Variants in FMO2 observed in about 807,000 individuals in gnomAD.
The protein encoded by FMO2 is flavin-containing monooxygenase 2.
FMO2 carries 33 observed loss-of-function variants against 41.6 expected under a neutral mutation model. That is an observed-to-expected ratio of 0.79 (90% confidence interval 0.60 to 1.06). The LOEUF is 1.06. FMO2 is among the 50% of genes least tolerant of loss of function. FMO2 has a pLI of 0.00. For missense variants in FMO2, 619 were observed against 632.9 expected (o/e 0.98, Z 0.23); for synonymous variants, 214 against 219.6 (o/e 0.97, Z 0.23).
Position 171,209,132 on chromosome 1 carries a change from T to A in FMO2, c.1595T>A (p.Leu532His), listed in dbSNP as rs545794963. The change falls in exon 9 of 9, where the codon CTT (leucine) becomes CAT (histidine). Residue 532 changes from leucine (L) to histidine (H), a missense_variant. Leu to His is a moderately conservative substitution (Grantham distance 99). Coordinates refer to ENST00000209929, the MANE Select transcript of FMO2 (RefSeq NM_001460.5). ...LAVVVAFFCQ[L>H]QWS is the part of the protein sequence containing the mutation. ...GTTGTTGTGGCCTTTTTTTGCCAAC[T>A]TCAATGGTCCTAGTCAGCATAATGC... The A allele has an allele frequency of 1.6e-6, 1 of 618,424 alleles. No individual in the cohort carries two copies. The highest frequency in any genetic ancestry group is 2.1e-5 in the South Asian group (1 of 47,474). 38.3% of individuals were successfully genotyped at this position (618,424 alleles called of 1,614,324 possible). A position where few individuals can be genotyped will look rare whatever the true frequency, so the allele number is the denominator to read the frequency against.
chr1:171,185,591 G>T, intron 1 of FMO2, 117 bp from the exon 2 acceptor site: 1 of 977,666 alleles, frequency 1.0e-6, no homozygotes, highest in Non-Finnish European at 1.6e-6. Flanking sequence ...ATTCAATAGT[G>T]CTGCTTATTA....
In FMO2 at chr1:171,193,337, G is replaced by A. The variant is rs139018992; in HGVS notation, c.135G>A (p.Glu45=). The A allele has an allele frequency of 1.7e-4, 271 of 1,595,240 alleles. No individual in the cohort carries two copies. The highest frequency in any genetic ancestry group is 6.6e-4 in the Middle Eastern group (4 of 6,028). Residue 45 remains glutamate (E), a splice_region_variant and synonymous_variant, in exon 3 of 9, where the codon GAG becomes GAA. Coordinates refer to ENST00000209929, the MANE Select transcript of FMO2 (RefSeq NM_001460.5). ...AATTATTTTATTTGATCCTTCAGGA[G>A]AATGTGGAAGATGGCCGAGCAAGTA... is the stretch of plus-strand genomic sequence containing the variant. ...EDIGGVWRFK[E]NVEDGRASIY...
chr1:171,203,674 A>G (rs1432049504), intron 5 of FMO2, among the ~76,000 whole-genome samples, 191 bp from the exon 6 acceptor site: 1 of 152,190 alleles, frequency 6.6e-6, no homozygotes, highest in Non-Finnish European at 1.5e-5. Flanking sequence ...ATTTTGTTGC[A>G]GTCTTCCTGC....
chr1:171,185,581 A>G (rs1295308529), intron 1 of FMO2, 127 bp from the exon 2 acceptor site: 18 of 894,412 alleles, frequency 2.0e-5, no homozygotes, highest in African/African-American at 1.2e-4. Flanking sequence ...CTGGCTCTTT[A>G]TTCAATAGTG....
rs1159835627 is a variant in FMO2, at chr1:171,209,125, T to C, written c.1588T>C (p.Cys530Arg). The C allele has an allele frequency of 3.0e-6, 2 of 660,684 alleles. No homozygotes were observed. Among genetic ancestry groups the C allele is most frequent in the Non-Finnish European group, 5.1e-6 (2 of 392,828 alleles). The allele number at this position is 660,684 out of a possible 1,614,324, so 40.9% of individuals were successfully genotyped here. A position where few individuals can be genotyped will look rare whatever the true frequency, so the allele number is the denominator to read the frequency against. ...GLLAVVVAFFCQLQWS is the reference protein window; with the variant it reads ...GLLAVVVAFFRQLQWS ...TCTTGCTGTTGTTGTGGCCTTTTTT[T>C]GCCAACTTCAATGGTCCTAGTCAGC... Residue 530 changes from cysteine (C) to arginine (R), a missense_variant, in exon 9 of 9, where the codon TGC (cysteine) becomes CGC (arginine). Physicochemically the swap from Cys to Arg is radical, Grantham distance 180. Transcript: ENST00000209929.
rs1658917209 is a variant in FMO2 at position 171,210,015 on chromosome 1, T to A, written c.*870T>A. ...TGAACTCTAGAACTAAAGATCATAA[T>A]GTTGTCTTGTAATATATTTATTTAC... On this transcript the variant is annotated 3_prime_UTR_variant, in exon 9 of 9. Transcript: ENST00000209929. 1 of 152,208 alleles carries A rather than the reference T, an allele frequency of 6.6e-6. No homozygotes were observed. Among genetic ancestry groups the A allele is most frequent in the Non-Finnish European group, 1.5e-5 (1 of 68,028 alleles). The allele number at this position is 152,208 out of a possible 1,614,324, so 9.4% of individuals were successfully genotyped here.
In FMO2 at chr1:171,209,738, T is replaced by C. The variant is rs1658907861; in HGVS notation, c.*593T>C. 6.6e-6 allele frequency: 1 copy of C among 152,182 alleles called. No individual in the cohort carries two copies. Among genetic ancestry groups the C allele is most frequent in the Admixed American group, 6.6e-5 (1 of 15,262 alleles). 9.4% of individuals were successfully genotyped at this position (152,182 alleles called of 1,614,324 possible). ...GAGCTAAGCAAATGGCCACATTTCC[T>C]ATATTTTGACAGAGATACTGCTGGA... On this transcript the variant is annotated 3_prime_UTR_variant, in exon 9 of 9. Transcript: ENST00000209929.
At chr1:171,195,233 G>A (rs188986242) in intron 3 of FMO2, among the ~76,000 whole-genome samples, 187 of 152,272 alleles carry the variant, frequency 1.2e-3, no homozygotes, top group African/African-American at 4.4e-3. Context: ...AGCTCAACTC[G>A]AGAAGCAGGC....
chr1:171,205,231 T>C (rs764865709), intron 6 of FMO2, 48 bp from the exon 7 acceptor site: 2 of 1,225,732 alleles, frequency 1.6e-6, no homozygotes, highest in Admixed American at 2.1e-5. Flanking sequence ...GGGTTCAAGA[T>C]TCCTCAGCAA....
In FMO2 at chr1:171,212,055, C is replaced by A. The variant is rs1659004209; in HGVS notation, c.*2910C>A. ...GCCTTGGTCCTCCAACTGCAGTTTA[C>A]AATTTTTGTTCTTCTCCTGTAAAGA... On this transcript the variant is annotated 3_prime_UTR_variant, in exon 9 of 9. Coordinates refer to ENST00000209929, the MANE Select transcript of FMO2 (RefSeq NM_001460.5). Among the ~76,000 whole-genome samples, 1 of 152,186 alleles carries A rather than the reference C, an allele frequency of 6.6e-6. No individual in the cohort carries two copies.
chr1:171,208,671 A>T lies in FMO2; in HGVS notation c.1257-123A>T, dbSNP rs2102018443. 3.4e-6 allele frequency: 3 copies of T among 870,874 alleles called. No individual in the cohort carries two copies. The South Asian group carries it at 5.3e-5, about 15-fold the overall frequency. 53.9% of individuals were successfully genotyped at this position (870,874 alleles called of 1,614,324 possible). A position where few individuals can be genotyped will look rare whatever the true frequency, so the allele number is the denominator to read the frequency against. ...GATAAACTCAAACTTTCCACCAGAGATTCATTGAAAACTCATTCACATATT... is the reference window on the plus strand; with the variant it reads ...GATAAACTCAAACTTTCCACCAGAGTTTCATTGAAAACTCATTCACATATT... On this transcript the variant is annotated intron_variant, in intron 8 of 8. Coordinates refer to ENST00000209929, the MANE Select transcript of FMO2 (RefSeq NM_001460.5).
Position 171,205,449 on chromosome 1 carries a change from T to A in FMO2, c.998T>A (p.Phe333Tyr). The change falls in exon 7 of 9, where the codon TTC (phenylalanine) becomes TAC (tyrosine). Residue 333 changes from phenylalanine (F) to tyrosine (Y), a missense_variant. Transcript: ENST00000209929. ...ATCATTTTTGCAACAGGATATAGTT[T>A]CTCTTTTCCCTTCCTTGAAGATTCA... Reference protein sequence around the residue: ...DVIIFATGYSFSFPFLEDSLV... With the variant: ...DVIIFATGYSYSFPFLEDSLV... 6.2e-7 allele frequency: 1 copy of A among 1,613,900 alleles called. No homozygotes were observed. The highest frequency in any genetic ancestry group is 8.5e-7 in the Non-Finnish European group (1 of 1,179,898).
intron 6 of FMO2, 56 bp downstream of exon 6, chr1:171,204,120 A>G (rs1246427571): frequency 3.0e-5 from 39 of 1,284,606 alleles, no homozygotes; most frequent in African/African-American, 1.5e-5. Context: ...AGTTGTCTGA[A>G]GGTGTCTCCC....
rs1445107409 is a variant in FMO2 at position 171,196,632 on chromosome 1, C to CTCTGTGTTTCT, written c.322-14_322-4dup. 6.2e-7 allele frequency: 1 copy of CTCTGTGTTTCT among 1,610,082 alleles called. No homozygotes were observed. Among genetic ancestry groups the CTCTGTGTTTCT allele is most frequent in the South Asian group, 1.1e-5 (1 of 90,694 alleles). ...CTGGAGTAATTCTCAATGATGCCTT[C>CTCTGTGTTTCT]TCTGTGTTTCTTCAAGACAACTGTC... is the stretch of plus-strand genomic sequence containing the variant. On this transcript the variant is annotated splice_polypyrimidine_tract_variant and intron_variant, in intron 3 of 8. Transcript: ENST00000209929.
intron 2 of FMO2, among the ~76,000 whole-genome samples, chr1:171,189,654 CTTTTCT>C (rs1182896608): frequency 4.9e-5 from 6 of 122,774 alleles, no homozygotes; most frequent in African/African-American, 1.7e-4. Context: ...CGTCTTTTTT[CTTTTCT>C]TTTTTTTTTT....
intron 5 of FMO2, among the ~76,000 whole-genome samples, chr1:171,199,891 A>G (rs928481797): frequency 3.9e-5 from 6 of 151,956 alleles, no homozygotes; most frequent in African/African-American, 1.2e-4. Context: ...TAATTTTCAT[A>G]TATTTGTAGA....
At chr1:171,189,453 A>C (rs1263216580) in intron 2 of FMO2, among the ~76,000 whole-genome samples, 9 of 152,042 alleles carry the variant, frequency 5.9e-5, no homozygotes, top group Non-Finnish European at 1.5e-5. Flanking sequence ...GCAGCAGAAA[A>C]AAAGTGGTAA....
rs1256766428 is a variant in FMO2 at position 171,209,917 on chromosome 1, T to C, written c.*772T>C. Reference sequence around the variant, plus strand: ...GAAATGGTTACAGCTATTATAGTCATTTCACAGATGATGAAACTAAGATTC... The same window carrying C: ...GAAATGGTTACAGCTATTATAGTCACTTCACAGATGATGAAACTAAGATTC... On this transcript the variant is annotated 3_prime_UTR_variant, in exon 9 of 9. Transcript: ENST00000209929. The C allele has an allele frequency of 6.6e-6, 1 of 152,188 alleles. No homozygotes were observed. Among genetic ancestry groups the C allele is most frequent in the African/African-American group, 2.4e-5 (1 of 41,450 alleles). 9.4% of individuals were successfully genotyped at this position (152,188 alleles called of 1,614,324 possible). A position where few individuals can be genotyped will look rare whatever the true frequency, so the allele number is the denominator to read the frequency against.
rs575187897 is a variant in FMO2, at chr1:171,208,303, G to T, written c.1257-491G>T. 1.5e-4 allele frequency among the ~76,000 whole-genome samples: 23 copies of T among 152,260 alleles called. No individual in the cohort carries two copies. The South Asian group carries it at 3.3e-3, about 22-fold the overall frequency. Reference sequence around the variant, plus strand: ...AGTACCCTTGGAAAGTTGATTTGGGGCTTACATCAGGTGTAAAGAGTTTTC... The same window carrying T: ...AGTACCCTTGGAAAGTTGATTTGGGTCTTACATCAGGTGTAAAGAGTTTTC... On this transcript the variant is annotated intron_variant, in intron 8 of 8. Coordinates refer to ENST00000209929, the MANE Select transcript of FMO2 (RefSeq NM_001460.5).
Sources: allele counts gnomAD v4.1 joint callset (sites outside exome capture counted in the v4.1 genomes callset), GRCh38; gene constraint gnomAD v4.1.1; transcripts MANE v1.5; gene names NCBI Gene and HGNC (gene_info 2026-07-23, HGNC 2026-07-21).